Variants in SLC24A2 observed in about 807,000 individuals in gnomAD.
The protein encoded by SLC24A2 is solute carrier family 24 member 2, also known as sodium/potassium/calcium exchanger 2.
SLC24A2 carries 36 observed loss-of-function variants against 62.0 expected under a neutral mutation model. That is an observed-to-expected ratio of 0.58 (90% CI 0.44 to 0.77). The LOEUF (loss-of-function observed/expected upper bound fraction) is 0.77, where lower values mean the gene tolerates loss of function less well. Among genes scored for constraint, SLC24A2 ranks in the 30% least tolerant of loss-of-function variants. The pLI, the probability that SLC24A2 is intolerant of heterozygous loss-of-function variation, is 0.00. For missense variants in SLC24A2, 846 were observed against 817.9 expected (o/e 1.03, Z -0.42); for synonymous variants, 358 against 294.0 (o/e 1.22, Z -2.23).
intron 2 of SLC24A2, among the ~76,000 whole-genome samples, chr9:19,677,249 G>A (rs376420163): frequency 8.5e-4 from 129 of 152,276 alleles, no homozygotes; most frequent in African/African-American, 2.1e-3. Flanking sequence ...CTCTGCAGTC[G>A]TAAAAAAGAA....
intron 4 of SLC24A2, among the ~76,000 whole-genome samples, chr9:19,604,469 T>C (rs564038652): frequency 1.3e-5 from 2 of 152,368 alleles, no homozygotes; most frequent in South Asian, 4.1e-4. Flanking sequence ...GGATCCCATC[T>C]TGTGGCCTGG....
chr9:20,218,033 T>A, the SLC24A2 span, among the ~76,000 whole-genome samples: 1 of 152,190 alleles, frequency 6.6e-6, no homozygotes, highest in East Asian at 1.9e-4. Flanking sequence ...TTGGGTATGA[T>A]CTGTGGATTG....
chr9:19,538,186 AC>A (rs1834065950), intron 8 of SLC24A2, among the ~76,000 whole-genome samples: 1 of 58,974 alleles, frequency 1.7e-5, no homozygotes, highest in Non-Finnish European at 3.0e-5. Flanking sequence ...CTAATTGAAT[AC>A]CCTTTATTTC....
the SLC24A2 span, among the ~76,000 whole-genome samples, chr9:19,855,455 C>T: frequency 5.9e-5 from 9 of 152,158 alleles, no homozygotes; most frequent in Non-Finnish European, 5.9e-5. Flanking sequence ...TTTAGTGCTT[C>T]CTTCAGGAGC....
rs993052056 is a variant in SLC24A2 at position 19,513,372 on chromosome 9, TAC to T, written c.*2779_*2780del. On this transcript the variant is annotated 3_prime_UTR_variant, in exon 11 of 11. Coordinates refer to ENST00000341998, the MANE Select transcript of SLC24A2 (RefSeq NM_020344.4). ...TACCCTGGCTCAACACATAACCACT[TAC>T]AGACACAGAAATGAAGGGAAAGCAA... The T allele has an allele frequency of 3.9e-5, 6 of 151,972 alleles. No individual in the cohort carries two copies. The highest frequency in any genetic ancestry group is 1.5e-4 in the African/African-American group (6 of 41,352). The allele number at this position is 151,972 out of a possible 1,614,324, so 9.4% of individuals were successfully genotyped here.
chr9:20,222,225 G>C, the SLC24A2 span, among the ~76,000 whole-genome samples: 2 of 151,660 alleles, frequency 1.3e-5, no homozygotes, highest in Non-Finnish European at 2.9e-5. Context: ...GAAACAGGAG[G>C]AAGGAGAAAA....
the SLC24A2 span, among the ~76,000 whole-genome samples, chr9:20,009,256 G>A: frequency 1.3e-5 from 2 of 151,900 alleles, no homozygotes; most frequent in Non-Finnish European, 2.9e-5. Flanking sequence ...TAGAAATAAA[G>A]AATGGGGGTG....
chr9:19,590,016 C>G (rs2132882660), intron 5 of SLC24A2, among the ~76,000 whole-genome samples: 1 of 152,238 alleles, frequency 6.6e-6, no homozygotes, highest in Admixed American at 6.5e-5. Context: ...GGGCTGAACT[C>G]TCTTTCTCTG....
chr9:19,652,760 G>T (rs538749860), intron 2 of SLC24A2, among the ~76,000 whole-genome samples: 12 of 152,072 alleles, frequency 7.9e-5, no homozygotes, highest in African/African-American at 2.7e-4. Flanking sequence ...TCAGATCCTC[G>T]TGCCTATTCA....
the SLC24A2 span, among the ~76,000 whole-genome samples, chr9:20,015,748 G>A: frequency 6.6e-6 from 1 of 152,192 alleles, no homozygotes; most frequent in Non-Finnish European, 1.5e-5. Context: ...TGATAGCAGA[G>A]CTAACCTCTC....
the SLC24A2 span, among the ~76,000 whole-genome samples, chr9:19,881,476 A>C: frequency 2.0e-5 from 3 of 152,290 alleles, no homozygotes; most frequent in Middle Eastern, 3.4e-3. Context: ...GTACGGCACA[A>C]AAAAGACATA....
the SLC24A2 span, among the ~76,000 whole-genome samples, chr9:20,083,872 G>C: frequency 1.3e-5 from 2 of 152,158 alleles, no homozygotes; most frequent in African/African-American, 4.8e-5. Flanking sequence ...CCTACCAATT[G>C]ATGCACAGGA....
At chr9:19,576,780 C>T (rs965519930) in intron 6 of SLC24A2, 144 bp downstream of exon 6, 1 of 723,366 alleles carries the variant, frequency 1.4e-6, no homozygotes, top group African/African-American at 1.7e-5. Context: ...GCAAGAGGGA[C>T]TCATTTCCTG....
At chr9:19,846,118 G>T in the SLC24A2 span, among the ~76,000 whole-genome samples, 1 of 152,156 alleles carries the variant, frequency 6.6e-6, no homozygotes, top group Non-Finnish European at 1.5e-5. Flanking sequence ...AATTGGTCAA[G>T]TGTCAAATTT....
At chr9:20,203,734 G>C in the SLC24A2 span, among the ~76,000 whole-genome samples, 1 of 152,016 alleles carries the variant, frequency 6.6e-6, no homozygotes, top group Non-Finnish European at 1.5e-5. Flanking sequence ...AGCAGCAGAA[G>C]AAGAAATTAG....
intron 2 of SLC24A2, among the ~76,000 whole-genome samples, chr9:19,716,603 T>C (rs888187282): frequency 6.6e-6 from 1 of 152,192 alleles, no homozygotes; most frequent in Non-Finnish European, 1.5e-5. Flanking sequence ...TGTCTTATAT[T>C]TGCCTTTAGG....
At chr9:19,603,834 C>T (rs866377637) in intron 4 of SLC24A2, among the ~76,000 whole-genome samples, 5 of 152,176 alleles carry the variant, frequency 3.3e-5, no homozygotes, top group East Asian at 1.9e-4. Context: ...AATTTTACTA[C>T]GTCTCCTAAT....
chr9:20,279,080 T>A, the SLC24A2 span, among the ~76,000 whole-genome samples: 7 of 152,098 alleles, frequency 4.6e-5, no homozygotes, highest in Admixed American at 1.3e-4. Context: ...CTCATGATAC[T>A]TATTCACTAT....
chr9:19,901,382 G>T, the SLC24A2 span, among the ~76,000 whole-genome samples: 4 of 152,138 alleles, frequency 2.6e-5, no homozygotes, highest in Non-Finnish European at 2.9e-5. Flanking sequence ...CTGGAGAAGA[G>T]ACTTTATTTC....
Sources: gnomAD v4.1 joint callset for allele counts (sites outside exome capture counted in the v4.1 genomes callset) on GRCh38, gnomAD v4.1.1 for gene constraint, MANE v1.5 for transcripts, NCBI Gene and HGNC (gene_info 2026-07-23, HGNC 2026-07-21) for gene names.